Variants in C9orf43 observed in about 807,000 individuals in gnomAD.
C9orf43 encodes chromosome 9 open reading frame 43, also known as uncharacterized protein C9orf43.
In C9orf43, 45 loss-of-function variants were observed where a neutral mutation model predicts 59.1. The ratio of observed to expected loss-of-function variants is 0.76; its 90% CI spans 0.60 to 0.98. The LOEUF (loss-of-function observed/expected upper bound fraction) is 0.98. Ranked by LOEUF, C9orf43 falls within the 50% of genes least tolerant of loss-of-function variation. C9orf43 has a pLI of 0.00. For missense variants in C9orf43, 533 were observed against 554.9 expected, an observed-to-expected ratio of 0.96 and a Z score of 0.40; for synonymous variants, 203 against 196.8, an observed-to-expected ratio of 1.03 and a Z score of -0.26.
Position 113,425,080 on chromosome 9 carries a change from G to A in C9orf43, c.865+4G>A, listed in dbSNP as rs967864131. 12 of 1,613,000 alleles carry A rather than the reference G, an allele frequency of 7.4e-6. No homozygotes were observed. Among genetic ancestry groups the A allele is most frequent in the Non-Finnish European group, 9.3e-6 (11 of 1,179,562 alleles). On this transcript the variant is annotated splice_donor_region_variant and intron_variant, in intron 9 of 13. Coordinates refer to ENST00000374165, the MANE Select transcript of C9orf43 (RefSeq NM_001278629.2). ...TTACATAACCTGAAGACAGAAGGTA[G>A]ATTTGCTGTTGCTGCTGGATCTCTA...
intron 1 of C9orf43, 169 bp downstream of exon 1, chr9:113,411,170 T>C: frequency 1.1e-6 from 1 of 927,214 alleles, no homozygotes; most frequent in Non-Finnish European, 1.3e-6. Flanking sequence ...GCCTTTTCAC[T>C]GTATGAAGAA....
At position 113,410,972 on chromosome 9, in the gene C9orf43, C is replaced by T. The variant is rs989227914; in HGVS notation, c.-79C>T. ...ACCGAAGTTGATGTTCATTTTTAATCTTTTCGCCCCTCACGCTTTTGTAAT... is the reference window on the plus strand; with the variant it reads ...ACCGAAGTTGATGTTCATTTTTAATTTTTTCGCCCCTCACGCTTTTGTAAT... On this transcript the variant is annotated 5_prime_UTR_variant, in exon 1 of 14. Transcript: ENST00000374165. 1 of 986,286 alleles carries T rather than the reference C, an allele frequency of 1.0e-6. No homozygotes were observed. The highest frequency in any genetic ancestry group is 1.2e-6 in the Non-Finnish European group (1 of 830,478). 61.1% of individuals were successfully genotyped at this position (986,286 alleles called of 1,614,324 possible).
Position 113,429,375 on chromosome 9 carries a change from G to A in C9orf43, c.1375G>A (p.Gly459Arg), listed in dbSNP as rs41276815. ...TGAGGATGAGGAGGACCAGTCCTCT[G>A]GGGCAGAGTGAGAAGCCTCTGGAGG... ...DDEDEEDQSS[G>R]AE The change falls in exon 14 of 14, where the codon GGG (glycine) becomes AGG (arginine). Residue 459 changes from glycine (G) to arginine (R), a missense_variant. Gly to Arg is a moderately radical substitution (Grantham distance 125, BLOSUM62 -2). Transcript: ENST00000374165. 458 of 1,613,682 alleles carry A rather than the reference G, an allele frequency of 2.8e-4. 1 individual carries two copies. The highest frequency in any genetic ancestry group is 1.9e-3 in the Middle Eastern group (11 of 5,944).
chr9:113,411,115 CAG>C, intron 1 of C9orf43, 114 bp downstream of exon 1: 1 of 985,388 alleles, frequency 1.0e-6, no homozygotes, highest in Non-Finnish European at 1.2e-6. Context: ...GATTAGGTCT[CAG>C]GAGTCAATTC....
chr9:113,412,858 T>C (rs537938700), intron 1 of C9orf43, among the ~76,000 whole-genome samples: 1 of 152,354 alleles, frequency 6.6e-6, no homozygotes, highest in East Asian at 1.9e-4. Context: ...CAACTAGCAG[T>C]GTCTAGTGAT....
intron 11 of C9orf43, among the ~76,000 whole-genome samples, chr9:113,427,885 G>T (rs1828847773): frequency 1.3e-5 from 2 of 152,182 alleles, no homozygotes; most frequent in Admixed American, 6.5e-5. Flanking sequence ...TGAAAAAGTA[G>T]ATTAGGGTTT....
intron 5 of C9orf43, 110 bp from the exon 6 acceptor site, chr9:113,422,439 A>G (rs986233161): frequency 4.1e-6 from 6 of 1,459,206 alleles, no homozygotes; most frequent in Admixed American, 4.2e-5. Flanking sequence ...ATCATTCACA[A>G]ATATCCTTGG....
chr9:113,423,404 C>T lies in C9orf43; in HGVS notation c.562C>T (p.Pro188Ser), dbSNP rs768770299. 1 of 1,614,080 alleles carries T rather than the reference C, an allele frequency of 6.2e-7. No individual in the cohort carries two copies. The highest frequency in any genetic ancestry group is 1.1e-5 in the South Asian group (1 of 91,070). ...AGGAACACCAGGGATGATCGTGCCT[C>T]CCCCAACCCCAGTGCAATTGTCTGA... ...RVGTPGMIVP[P>S]PTPVQLSEQF... The change falls in exon 7 of 14, where the codon CCC (proline) becomes TCC (serine). Residue 188 changes from proline (P) to serine (S), a missense_variant. Physicochemically the swap from Pro to Ser is moderately conservative, Grantham distance 74. Coordinates refer to ENST00000374165, the MANE Select transcript of C9orf43 (RefSeq NM_001278629.2).
chr9:113,420,466 TAAAA>T (rs1397013104), intron 4 of C9orf43, among the ~76,000 whole-genome samples: 1 of 152,210 alleles, frequency 6.6e-6, no homozygotes, highest in Non-Finnish European at 1.5e-5. Context: ...GGATTTATAA[TAAAA>T]AGGAATCTCT....
chr9:113,423,254 C>G, intron 6 of C9orf43, 72 bp from the exon 7 acceptor site: 1 of 1,481,532 alleles, frequency 6.7e-7, no homozygotes, highest in Non-Finnish European at 9.2e-7. Context: ...TGTTGAGAGG[C>G]TAGAATGTTG....
At position 113,423,402 on chromosome 9, in the gene C9orf43, C is replaced by T. The variant is rs373965001; in HGVS notation, c.560C>T (p.Pro187Leu). The part of the protein sequence containing the change: ...TRVGTPGMIV[P>L]PPTPVQLSEQ... ...GTAGGAACACCAGGGATGATCGTGC[C>T]TCCCCCAACCCCAGTGCAATTGTCT... is the stretch of plus-strand genomic sequence containing the variant. Residue 187 changes from proline to leucine, a missense_variant, in exon 7 of 14, where the codon CCT (proline) becomes CTT (leucine). By Grantham distance (98) the Pro-to-Leu change is moderately conservative. Coordinates refer to ENST00000374165, the MANE Select transcript of C9orf43 (RefSeq NM_001278629.2). 5 of 1,613,980 alleles carry T rather than the reference C, an allele frequency of 3.1e-6. No individual in the cohort carries two copies. The highest frequency in any genetic ancestry group is 1.3e-5 in the African/African-American group (1 of 74,906).
intron 1 of C9orf43, among the ~76,000 whole-genome samples, chr9:113,411,453 C>A (rs1428123892): frequency 1.3e-5 from 2 of 151,982 alleles, no homozygotes. Context: ...CGCCCGCCAC[C>A]ACGCCCGGCT....
At chr9:113,416,663 C>G (rs570403620) in intron 3 of C9orf43, among the ~76,000 whole-genome samples, 1 of 152,256 alleles carries the variant, frequency 6.6e-6, no homozygotes, top group Admixed American at 6.5e-5. Flanking sequence ...CTGAGTAGAA[C>G]ACTTTTTCTC....
chr9:113,419,007 G>A (rs955481216), intron 3 of C9orf43, 101 bp from the exon 4 acceptor site: 2 of 955,768 alleles, frequency 2.1e-6, no homozygotes, highest in Non-Finnish European at 3.2e-6. Context: ...TTAAGCCCAA[G>A]GTTTTCTGTA....
At chr9:113,414,391 C>T (rs572083767) in intron 3 of C9orf43, among the ~76,000 whole-genome samples, 11 of 152,070 alleles carry the variant, frequency 7.2e-5, no homozygotes, top group Non-Finnish European at 1.2e-4. Context: ...CCTCCCACCT[C>T]AGCCTCCCAA....
At chr9:113,411,761 C>T (rs538793025) in intron 1 of C9orf43, among the ~76,000 whole-genome samples, 13 of 152,306 alleles carry the variant, frequency 8.5e-5, no homozygotes, top group African/African-American at 3.1e-4. Context: ...TCACTGTAGC[C>T]TCGACCTCCC....
intron 5 of C9orf43, among the ~76,000 whole-genome samples, chr9:113,422,284 G>A (rs562183085): frequency 3.9e-5 from 6 of 152,246 alleles, no homozygotes; most frequent in South Asian, 4.2e-4. Context: ...GTAGGTAACC[G>A]GATTGCCTGA....
intron 4 of C9orf43, among the ~76,000 whole-genome samples, chr9:113,419,724 A>G (rs7863913): frequency 0.016 from 2,420 of 152,284 alleles, 20 homozygotes; most frequent in Admixed American, 0.023. Context: ...ATAAGTTGCA[A>G]TTGCAGTTTG....
Position 113,429,547 on chromosome 9 carries a change from G to A in C9orf43, c.*161G>A. 3.3e-6 allele frequency: 2 copies of A among 605,532 alleles called. No individual in the cohort carries two copies. The highest frequency in any genetic ancestry group is 5.8e-6 in the Non-Finnish European group (2 of 343,486). 37.5% of individuals were successfully genotyped at this position (605,532 alleles called of 1,614,324 possible). On this transcript the variant is annotated 3_prime_UTR_variant, in exon 14 of 14. Coordinates refer to ENST00000374165, the MANE Select transcript of C9orf43 (RefSeq NM_001278629.2). ...CCAGGGCCTGAGCTCTGAGCTTAGG[G>A]ATTCCATTTTCTTTGTTCACCTCTA...
Sources: gnomAD v4.1 joint callset for allele counts (sites outside exome capture counted in the v4.1 genomes callset) on GRCh38, gnomAD v4.1.1 for gene constraint, MANE v1.5 for transcripts, NCBI Gene and HGNC (gene_info 2026-07-23, HGNC 2026-07-21) for gene names.